Variants in MCF2L observed in about 807,000 individuals in gnomAD.
MCF2L encodes guanine nucleotide exchange factor DBS.
MCF2L carries 97 observed loss-of-function variants against 153.4 expected under a neutral mutation model. The ratio of observed to expected loss-of-function variants is 0.63; its 90% confidence interval spans 0.54 to 0.75. MCF2L has a LOEUF of 0.75. Ranked by LOEUF, MCF2L falls within the 30% of genes least tolerant of loss-of-function variation. The pLI is 0.00. For missense variants in MCF2L, 1,347 were observed against 1,495.2 expected (o/e 0.90, Z 1.64); for synonymous variants, 659 against 632.2 (o/e 1.04, Z -0.64).
intron 2 of MCF2L, among the ~76,000 whole-genome samples, chr13:112,916,471 C>A (rs1340382612): frequency 6.6e-6 from 1 of 152,122 alleles, no homozygotes; most frequent in Non-Finnish European, 1.5e-5. Flanking sequence ...GGATGAGTCT[C>A]CGCACGTCCG....
At chr13:113,033,996 C>G (rs917660276) in intron 3 of MCF2L, 1 of 167,124 alleles carries the variant, frequency 6.0e-6, no homozygotes, top group Non-Finnish European at 1.5e-5. Flanking sequence ...TCTCCCCGCA[C>G]CTTCCCAAAA....
chr13:113,082,002 AGGT>A (rs1344451525), intron 16 of MCF2L, among the ~76,000 whole-genome samples: 3 of 150,904 alleles, frequency 2.0e-5, no homozygotes, highest in Non-Finnish European at 4.4e-5. Flanking sequence ...GAGTGTGCAC[AGGT>A]GGTGACCACC....
Position 112,904,934 on chromosome 13 carries a change from C to T in MCF2L, c.169+2563C>T, listed in dbSNP as rs1046826713. Among the ~76,000 whole-genome samples, 1 of 152,100 alleles carries T rather than the reference C, an allele frequency of 6.6e-6. No homozygotes were observed. Among genetic ancestry groups the T allele is most frequent in the African/African-American group, 2.4e-5 (1 of 41,386 alleles). ...GTTTTTTTTGTCATAAAATAGACAC[C>T]CATGAAATGTACCATTTTAACTACT... On this transcript the variant is annotated intron_variant, in intron 2 of 29. Coordinates refer to the MCF2L transcript ENST00000375608. The surrounding 1 kb of genome is among the most constrained non-coding windows in gnomAD (Gnocchi z 4.2).
chr13:113,091,379 C>T (rs533271885), intron 26 of MCF2L, among the ~76,000 whole-genome samples: 6 of 152,332 alleles, frequency 3.9e-5, no homozygotes, highest in Non-Finnish European at 7.3e-5. Flanking sequence ...GAGGACAGCA[C>T]GCCTCTCAGC....
intron 1 of MCF2L, among the ~76,000 whole-genome samples, chr13:113,011,976 G>T (rs2084161972): frequency 9.2e-6 from 1 of 108,710 alleles, no homozygotes; most frequent in Non-Finnish European, 2.0e-5. Context: ...GACAGGCTGG[G>T]TGGATGGTGG....
At chr13:112,944,087 G>C (rs1204488560) in intron 2 of MCF2L, among the ~76,000 whole-genome samples, 1 of 149,864 alleles carries the variant, frequency 6.7e-6, no homozygotes, top group Non-Finnish European at 1.5e-5. Context: ...CTGAGGGAAG[G>C]GTTCCGGACC....
intron 2 of MCF2L, among the ~76,000 whole-genome samples, chr13:113,018,198 C>A (rs2084655008): frequency 6.6e-6 from 1 of 152,214 alleles, no homozygotes. Context: ...CTGTACGTTG[C>A]CGCCCAAAGT....
chr13:112,942,683 T>C (rs12865475), intron 2 of MCF2L, among the ~76,000 whole-genome samples: 1 of 152,186 alleles, frequency 6.6e-6, no homozygotes. Context: ...GTAAAAAAAC[T>C]CTGTCTAGTT....
Position 113,086,149 on chromosome 13 carries a change from G to T in MCF2L, c.2273G>T (p.Cys758Phe). 2.5e-6 allele frequency: 4 copies of T among 1,609,940 alleles called. No individual in the cohort carries two copies. Among genetic ancestry groups the T allele is most frequent in the Non-Finnish European group, 3.4e-6 (4 of 1,178,320 alleles). Residue 758 changes from cysteine (C) to phenylalanine (F), a missense_variant, in exon 21 of 30, where the codon TGC becomes TTC. By Grantham distance (205) the Cys-to-Phe change is radical (BLOSUM62 -2). Around this residue, in one of 3 missense-constraint regions of MCF2L, gnomAD observed 144 missense variants for 238.7 expected, o/e 0.60. Transcript: ENST00000535094. ...GAAATGCTGAAATACAGCAGGAACT[G>T]CGAGGGGGCTGAGGACCTGCAGGAG... is the stretch of plus-strand genomic sequence containing the variant. ...LKEMLKYSRN[C>F]EGAEDLQEAL...
chr13:112,962,971 C>T (rs1320549930), intron 2 of MCF2L, among the ~76,000 whole-genome samples: 1 of 152,230 alleles, frequency 6.6e-6, no homozygotes, highest in Non-Finnish European at 1.5e-5. Flanking sequence ...GTGTGCTTCC[C>T]CTCTCTGAGC....
Position 113,095,369 on chromosome 13 carries a change from A to G in MCF2L, c.3075+734A>G, listed in dbSNP as rs2035559591. On this transcript the variant is annotated intron_variant, in intron 27 of 29. Coordinates refer to ENST00000535094, the MANE Select transcript of MCF2L (RefSeq NM_001112732.3). ...GGGGCCTCTGGCCTCTCCCACAGAG[A>G]CAGCATGAAGGAAGGCCTGGGCGTG... 2.6e-6 allele frequency: 3 copies of G among 1,138,058 alleles called. No individual in the cohort carries two copies. In the South Asian group the frequency reaches 5.8e-5, roughly 22 times the overall value. The allele number at this position is 1,138,058 out of a possible 1,614,324, so 70.5% of individuals were successfully genotyped here. A position where few individuals can be genotyped will look rare whatever the true frequency, so the allele number is the denominator to read the frequency against.
rs551787680 is a variant in MCF2L, at chr13:113,074,633, G to A, written c.1116+70G>A. On this transcript the variant is annotated intron_variant, in intron 10 of 29. Coordinates refer to ENST00000535094, the MANE Select transcript of MCF2L (RefSeq NM_001112732.3). The surrounding 1 kb of genome is among the most constrained non-coding windows in gnomAD (Gnocchi z 4.2). ...ATCATCAAGTGCTGCTCAGGAAGGCGCAGGAATGGGCCTCCCGCCTACGGA... is the reference window on the plus strand; with the variant it reads ...ATCATCAAGTGCTGCTCAGGAAGGCACAGGAATGGGCCTCCCGCCTACGGA... The A allele has an allele frequency of 1.3e-5, 21 of 1,584,992 alleles. No individual in the cohort carries two copies. The highest frequency in any genetic ancestry group is 1.5e-5 in the Non-Finnish European group (17 of 1,158,884).
chr13:112,970,234 T>C (rs549652578), intron 1 of MCF2L, among the ~76,000 whole-genome samples: 21 of 152,318 alleles, frequency 1.4e-4, no homozygotes, highest in African/African-American at 4.6e-4. Context: ...GATGTTGCCA[T>C]ATGTTATGTC....
intron 2 of MCF2L, among the ~76,000 whole-genome samples, chr13:112,955,434 C>T (rs191336596): frequency 4.6e-5 from 7 of 152,288 alleles, no homozygotes; most frequent in East Asian, 3.9e-4. Flanking sequence ...ATTGTCTGAA[C>T]GTTGTGACAT....
At chr13:112,944,777 C>T (rs1367686123) in intron 2 of MCF2L, among the ~76,000 whole-genome samples, 7 of 152,136 alleles carry the variant, frequency 4.6e-5, no homozygotes, top group Admixed American at 2.0e-4. Context: ...TGAGCCACCG[C>T]GCCCGGCCAA....
intron 11 of MCF2L, 81 bp from the exon 12 acceptor site, chr13:113,075,885 C>A: frequency 8.5e-7 from 1 of 1,171,608 alleles, no homozygotes; most frequent in Non-Finnish European, 1.2e-6. Flanking sequence ...CGGGAGGACA[C>A]CCCGGCAGTG....
chr13:113,059,212 G>C (rs1461904855), intron 4 of MCF2L, among the ~76,000 whole-genome samples: 1 of 152,232 alleles, frequency 6.6e-6, no homozygotes, highest in Non-Finnish European at 1.5e-5. Flanking sequence ...GATGAGCCCA[G>C]GTGTCCCTGC....
chr13:112,918,055 T>C (rs1311827261), intron 2 of MCF2L, among the ~76,000 whole-genome samples: 1 of 152,252 alleles, frequency 6.6e-6, no homozygotes, highest in African/African-American at 2.4e-5. Flanking sequence ...GCATAATTAT[T>C]TGAGGATTTG....
chr13:112,959,753 G>A (rs528095281), intron 2 of MCF2L, among the ~76,000 whole-genome samples: 1 of 152,330 alleles, frequency 6.6e-6, no homozygotes, highest in South Asian at 2.1e-4. Flanking sequence ...AGCAACCCAC[G>A]TGCAGTACAC....
Sources: gnomAD v4.1 joint callset for allele counts (sites outside exome capture counted in the v4.1 genomes callset) on GRCh38, gnomAD v4.1.1 for gene constraint, gnomAD v4.1.1 regional missense constraint, Gnocchi (gnomAD v3.1) non-coding constraint, MANE v1.5 for transcripts, NCBI Gene and HGNC (gene_info 2026-07-23, HGNC 2026-07-21) for gene names.